Variants in RPS6KA2 observed in about 807,000 individuals in gnomAD.
RPS6KA2 encodes ribosomal protein S6 kinase A2.
A neutral mutation model predicts 91.8 loss-of-function variants in RPS6KA2; 42 were observed. The observed-to-expected ratio is 0.46, with a 90% CI of 0.36 to 0.59. The LOEUF is 0.59. Ranked by LOEUF, RPS6KA2 falls within the 20% of genes least tolerant of loss-of-function variation. RPS6KA2 has a pLI of 0.00. For missense variants in RPS6KA2, 798 were observed against 978.5 expected (o/e 0.82, Z 2.46); for synonymous variants, 414 against 393.6 (o/e 1.05, Z -0.61).
At chr6:166,695,295 C>T (rs1789324562) in intron 2 of RPS6KA2, among the ~76,000 whole-genome samples, 1 of 152,112 alleles carries the variant, frequency 6.6e-6, no homozygotes, top group South Asian at 2.1e-4. Context: ...GAAGAATACC[C>T]AATGGCAAAA....
intron 1 of RPS6KA2, among the ~76,000 whole-genome samples, chr6:166,601,602 C>T (rs1407206971): frequency 6.6e-6 from 1 of 152,128 alleles, no homozygotes; most frequent in Non-Finnish European, 1.5e-5. Flanking sequence ...ATACTCCATC[C>T]TTATAGGGAA....
At position 166,801,511 on chromosome 6, in the gene RPS6KA2, T is replaced by TA. The variant is rs1046013372; in HGVS notation, c.123+56688dup. Among the ~76,000 whole-genome samples the TA allele has an allele frequency of 1.4e-4, 21 of 152,060 alleles. No homozygotes were observed. In the South Asian group the frequency reaches 3.3e-3, roughly 24 times the overall value. On this transcript the variant is annotated intron_variant, in intron 2 of 21. Transcript: ENST00000503859. ...GTGCATGCCACCATGCCCAGCTAAT[T>TA]AAAAAAATAATGTTTCGTGAAGATA...
intron 2 of RPS6KA2, among the ~76,000 whole-genome samples, chr6:166,805,156 C>G (rs926232478): frequency 2.6e-5 from 4 of 152,204 alleles, no homozygotes; most frequent in Non-Finnish European, 5.9e-5. Flanking sequence ...TACATTTGGT[C>G]AATTTTACCT....
In RPS6KA2 at chr6:166,808,725, C is replaced by A. The variant is rs114719175; in HGVS notation, c.123+49475G>T. ...GTATTTAAGTAAATAAAAACATAGA[C>A]TGTGTTCTTGGGGTAGGAGCACACT... On this transcript the variant is annotated intron_variant, in intron 2 of 21. Coordinates refer to the RPS6KA2 transcript ENST00000503859. Among the ~76,000 whole-genome samples the A allele has an allele frequency of 8.4e-3, 1,276 of 152,292 alleles. 26 individuals are homozygous for A. The highest frequency in any genetic ancestry group is 0.029 in the African/African-American group (1,222 of 41,546).
intron 2 of RPS6KA2, among the ~76,000 whole-genome samples, chr6:166,718,017 T>G (rs1790063416): frequency 6.6e-6 from 1 of 152,100 alleles, no homozygotes; most frequent in African/African-American, 2.4e-5. Context: ...CCCAGCTAAT[T>G]TTTGTATTTT....
intron 2 of RPS6KA2, among the ~76,000 whole-genome samples, chr6:166,738,767 G>A (rs544748992): frequency 1.2e-4 from 19 of 152,306 alleles, no homozygotes; most frequent in African/African-American, 4.3e-4. Context: ...ATCAATCCAC[G>A]GAGTTGCAAA....
At chr6:166,791,767 T>C (rs1284953984) in intron 2 of RPS6KA2, among the ~76,000 whole-genome samples, 3 of 151,392 alleles carry the variant, frequency 2.0e-5, no homozygotes, top group Admixed American at 1.3e-4. Context: ...GAATGACCAC[T>C]GGGTACATAA....
intron 10 of RPS6KA2, among the ~76,000 whole-genome samples, chr6:166,486,431 G>T (rs1265676007): frequency 6.6e-6 from 1 of 152,184 alleles, no homozygotes; most frequent in African/African-American, 2.4e-5. Flanking sequence ...AGTGACTTGG[G>T]GCTGCTCTGC....
chr6:166,787,407 C>T (rs1927431), intron 2 of RPS6KA2, among the ~76,000 whole-genome samples: 52,788 of 151,564 alleles, frequency 0.35, 9,877 homozygotes, highest in African/African-American at 0.47. Flanking sequence ...ATTATATAAA[C>T]TGTGTTGATT....
rs1562523935 is a variant in RPS6KA2 at position 166,480,507 on chromosome 6, ATATATATAATATATT to A, written c.907+8311_907+8325del. Reference sequence around the variant, plus strand: ...TATATATATATATATATATATATATATATATATAATATATTTTTTTTTTTTGAGAGAGAGTTTTGC... The same window carrying A: ...TATATATATATATATATATATATATATTTTTTTTTTGAGAGAGAGTTTTGC... On this transcript the variant is annotated intron_variant, in intron 10 of 20. Transcript: ENST00000265678. 8.9e-4 allele frequency among the ~76,000 whole-genome samples: 89 copies of A among 100,546 alleles called. 3 individuals carry two copies. Among genetic ancestry groups the A allele is most frequent in the African/African-American group, 3.0e-3 (81 of 26,642 alleles). The allele number at this position is 100,546 out of a possible 152,430, so 66.0% of individuals were successfully genotyped here.
At chr6:166,532,307 T>C (rs1783308371) in intron 2 of RPS6KA2, among the ~76,000 whole-genome samples, 1 of 152,208 alleles carries the variant, frequency 6.6e-6, no homozygotes, top group Non-Finnish European at 1.5e-5. Flanking sequence ...CTTTGCACTC[T>C]TGGCTCCCCC....
At chr6:166,504,706 C>A in intron 5 of RPS6KA2, 94 bp from the exon 6 acceptor site, 1 of 849,644 alleles carries the variant, frequency 1.2e-6, no homozygotes, top group South Asian at 1.6e-5. Flanking sequence ...GACTGAGAGT[C>A]CACACTGGGG....
At position 166,626,389 on chromosome 6, in the gene RPS6KA2, T is replaced by G. The variant is rs1242521910; in HGVS notation, c.99+532A>C. Among the ~76,000 whole-genome samples the G allele has an allele frequency of 6.6e-6, 1 of 152,260 alleles. No homozygotes were observed. Among genetic ancestry groups the G allele is most frequent in the Non-Finnish European group, 1.5e-5 (1 of 68,050 alleles). ...CGCCGTTTTAGACGCCTAAGCAGAT[T>G]GTGCTGCTGCCTGTTCTTCCCCGTT... is the stretch of plus-strand genomic sequence containing the variant. On this transcript the variant is annotated intron_variant, in intron 1 of 20. Transcript: ENST00000265678. This position sits in a 1 kb window ranked among gnomAD's most constrained non-coding sequence, Gnocchi z 4.1.
chr6:166,752,742 C>T (rs928941552), intron 2 of RPS6KA2, among the ~76,000 whole-genome samples: 1 of 152,190 alleles, frequency 6.6e-6, no homozygotes, highest in Non-Finnish European at 1.5e-5. Context: ...GCGGTCCCCA[C>T]ACCATTTTAT....
intron 1 of RPS6KA2, among the ~76,000 whole-genome samples, chr6:166,542,718 G>C (rs1783701274): frequency 6.6e-6 from 1 of 152,214 alleles, no homozygotes; most frequent in African/African-American, 2.4e-5. Context: ...GGGAGTGACA[G>C]GGAGAAAGAT....
chr6:166,696,285 G>A (rs910594406), intron 2 of RPS6KA2, among the ~76,000 whole-genome samples: 16 of 152,134 alleles, frequency 1.1e-4, no homozygotes, highest in African/African-American at 3.1e-4. Flanking sequence ...GAATCAATAC[G>A]GGGGTGATCA....
At chr6:166,524,723 C>T (rs1315030749) in intron 3 of RPS6KA2, among the ~76,000 whole-genome samples, 1 of 152,232 alleles carries the variant, frequency 6.6e-6, no homozygotes, top group East Asian at 1.9e-4. Flanking sequence ...CACACTCTAA[C>T]AAGGGAGAGC....
rs1457591380 is a variant in RPS6KA2, at chr6:166,665,526, G to A, written c.124-126742C>T. 6.6e-6 allele frequency among the ~76,000 whole-genome samples: 1 copy of A among 152,030 alleles called. No individual in the cohort carries two copies. The highest frequency in any genetic ancestry group is 1.5e-5 in the Non-Finnish European group (1 of 68,018). ...TGACTTCCCCACCTTTGTGGCGCATGGTATGAAGAGTACAGGAAAGAACAA... is the reference window on the plus strand; with the variant it reads ...TGACTTCCCCACCTTTGTGGCGCATAGTATGAAGAGTACAGGAAAGAACAA... On this transcript the variant is annotated intron_variant, in intron 2 of 21. Coordinates refer to the RPS6KA2 transcript ENST00000503859. The surrounding 1 kb of genome is among the most constrained non-coding windows in gnomAD (Gnocchi z 4.5).
chr6:166,765,485 G>A (rs1018867650), intron 2 of RPS6KA2, among the ~76,000 whole-genome samples: 7 of 152,182 alleles, frequency 4.6e-5, no homozygotes, highest in South Asian at 2.1e-4. Flanking sequence ...AGGGACGGGC[G>A]CAGTGTGCTC....
Sources: allele counts gnomAD v4.1 joint callset (sites outside exome capture counted in the v4.1 genomes callset), GRCh38; gene constraint gnomAD v4.1.1; non-coding constraint Gnocchi (gnomAD v3.1); transcripts MANE v1.5; gene names NCBI Gene and HGNC (gene_info 2026-07-23, HGNC 2026-07-21).